HDAC9: variants seen among roughly 807,000 people sequenced by gnomAD.
HDAC9 encodes the protein MEF-2 interacting transcription repressor (MITR) protein.
A neutral mutation model predicts 139.4 loss-of-function variants in HDAC9; 41 were observed. The observed-to-expected ratio is 0.29, with a 90% CI of 0.23 to 0.38. HDAC9 has a LOEUF of 0.38. Among genes scored for constraint, HDAC9 ranks in the 10% least tolerant of loss-of-function variants. HDAC9 has a pLI of 1.00. For synonymous variants in HDAC9, 517 were observed against 476.2 expected (o/e 1.09, Z -1.12); for missense variants, 1,147 against 1,297.0 (o/e 0.88, Z 1.78).
intron 19 of HDAC9, among the ~76,000 whole-genome samples, chr7:18,832,865 A>G (rs1267843117): frequency 6.6e-6 from 1 of 152,072 alleles, no homozygotes; most frequent in African/African-American, 2.4e-5. Context: ...CCTCCCGAGT[A>G]GCTGGGATTA....
At chr7:18,654,457 A>G (rs576779349) in intron 11 of HDAC9, among the ~76,000 whole-genome samples, 30 of 152,194 alleles carry the variant, frequency 2.0e-4, no homozygotes, top group South Asian at 8.3e-4. Context: ...TCTTACGTCT[A>G]TCTTCCCTTC....
chr7:18,867,700 A>G (rs1267657511), intron 21 of HDAC9, among the ~76,000 whole-genome samples: 1 of 152,160 alleles, frequency 6.6e-6, no homozygotes, highest in Non-Finnish European at 1.5e-5. Context: ...TCAAATTCAT[A>G]TACTTGAGTA....
intron 12 of HDAC9, among the ~76,000 whole-genome samples, chr7:18,687,837 T>C (rs1023415674): frequency 1.3e-5 from 2 of 151,818 alleles, no homozygotes; most frequent in South Asian, 2.1e-4. Flanking sequence ...TTTTCTTCAT[T>C]GTATATTGAG....
At chr7:18,546,021 A>G (rs1814686212) in intron 2 of HDAC9, among the ~76,000 whole-genome samples, 1 of 152,210 alleles carries the variant, frequency 6.6e-6, no homozygotes, top group Non-Finnish European at 1.5e-5. Flanking sequence ...TCTCACTTAT[A>G]TTATGCATAT....
chr7:18,474,152 C>CA (rs1263128047), intron 1 of HDAC9, among the ~76,000 whole-genome samples: 1 of 152,120 alleles, frequency 6.6e-6, no homozygotes, highest in Admixed American at 6.6e-5. Context: ...TATGTGCATA[C>CA]ATATATGCAT....
intron 11 of HDAC9, among the ~76,000 whole-genome samples, chr7:18,661,634 A>G (rs906842540): frequency 3.3e-5 from 5 of 152,116 alleles, no homozygotes; most frequent in African/African-American, 1.2e-4. Flanking sequence ...GAATGTTATT[A>G]AAAGATTTTC....
chr7:18,592,396 G>A (rs561136562), intron 5 of HDAC9, among the ~76,000 whole-genome samples: 1 of 152,158 alleles, frequency 6.6e-6, no homozygotes, highest in South Asian at 2.1e-4. Flanking sequence ...AGAGGATGTG[G>A]TGATTTTAAA....
chr7:18,450,168 T>A (rs1772690905), intron 1 of HDAC9, among the ~76,000 whole-genome samples: 1 of 152,224 alleles, frequency 6.6e-6, no homozygotes, highest in African/African-American at 2.4e-5. Flanking sequence ...AATGAATTAA[T>A]GTTTTTGGAA....
intron 22 of HDAC9, among the ~76,000 whole-genome samples, chr7:18,878,536 A>G (rs567976913): frequency 7.2e-5 from 11 of 152,356 alleles, no homozygotes; most frequent in Non-Finnish European, 1.5e-4. Context: ...GATTCATCAC[A>G]TAAACAGAGC....
chr7:18,877,721 T>G (rs537402129), intron 22 of HDAC9, among the ~76,000 whole-genome samples: 5 of 152,162 alleles, frequency 3.3e-5, no homozygotes, highest in African/African-American at 1.2e-4. Flanking sequence ...TGAAAAATAA[T>G]AATAAAAGGT....
intron 1 of HDAC9, among the ~76,000 whole-genome samples, chr7:18,394,745 T>C (rs112722636): frequency 3.4e-4 from 52 of 152,272 alleles, no homozygotes; most frequent in African/African-American, 1.1e-3. Flanking sequence ...AGATTTACCA[T>C]GTCAGGCTGT....
chr7:18,241,352 C>T (rs1219583013), intron 2 of HDAC9, among the ~76,000 whole-genome samples: 4 of 152,212 alleles, frequency 2.6e-5, no homozygotes, highest in Admixed American at 2.6e-4. Flanking sequence ...GGTTTATAGC[C>T]TTCCTTGGTG....
chr7:18,762,892 A>G (rs17139861), intron 15 of HDAC9, among the ~76,000 whole-genome samples: 11,919 of 152,224 alleles, frequency 0.078, 1,434 homozygotes, highest in African/African-American at 0.26. Flanking sequence ...TAAAATTTAT[A>G]TTGCAGAACT....
intron 1 of HDAC9, among the ~76,000 whole-genome samples, chr7:18,328,899 A>G (rs1470715123): frequency 6.6e-6 from 1 of 151,804 alleles, no homozygotes; most frequent in Non-Finnish European, 1.5e-5. Flanking sequence ...TCTTCTTTAA[A>G]TGTTTGGTAG....
intron 1 of HDAC9, among the ~76,000 whole-genome samples, chr7:18,329,611 C>CTGG (rs1800753122): frequency 6.7e-6 from 1 of 150,348 alleles, no homozygotes; most frequent in Non-Finnish European, 1.5e-5. Flanking sequence ...TTTGATGATA[C>CTGG]TGGTCTCTGA....
intron 1 of HDAC9, among the ~76,000 whole-genome samples, chr7:18,158,314 T>C (rs1482585144): frequency 6.6e-6 from 1 of 152,202 alleles, no homozygotes; most frequent in African/African-American, 2.4e-5. Context: ...TAGACTTTTA[T>C]GGCAAATTTT....
intron 1 of HDAC9, among the ~76,000 whole-genome samples, chr7:18,488,351 A>G (rs1181357626): frequency 6.6e-6 from 1 of 152,082 alleles, no homozygotes; most frequent in Non-Finnish European, 1.5e-5. Flanking sequence ...TCTAGTTGAT[A>G]TGTACTGATA....
intron 1 of HDAC9, among the ~76,000 whole-genome samples, chr7:18,326,977 A>G (rs1258997819): frequency 6.6e-6 from 1 of 151,898 alleles, no homozygotes; most frequent in African/African-American, 2.4e-5. Context: ...GCCTCATTAC[A>G]TCTGTAAAAG....
At chr7:18,504,885 T>A (rs1799334971) in intron 2 of HDAC9, among the ~76,000 whole-genome samples, 1 of 152,188 alleles carries the variant, frequency 6.6e-6, no homozygotes, top group African/African-American at 2.4e-5. Context: ...TGCCCCTTTT[T>A]CTCAAAAAAT....
Sources: allele counts gnomAD v4.1 joint callset (sites outside exome capture counted in the v4.1 genomes callset), GRCh38; gene constraint gnomAD v4.1.1; transcripts MANE v1.5; gene names NCBI Gene and HGNC (gene_info 2026-07-23, HGNC 2026-07-21).